The following ADAMTS16 variants were observed in gnomAD, a reference collection of about 807,000 sequenced individuals.
ADAMTS16 encodes the protein ADAM metallopeptidase with thrombospondin type 1 motif 16, also known as A disintegrin and metalloproteinase with thrombospondin motifs 16.
ADAMTS16 carries 94 observed loss-of-function variants against 145.8 expected under a neutral mutation model. The observed-to-expected ratio is 0.64, with a 90% CI of 0.55 to 0.77. The LOEUF (loss-of-function observed/expected upper bound fraction) is 0.77. Ranked by LOEUF, ADAMTS16 falls within the 30% of genes least tolerant of loss-of-function variation. The probability of loss-of-function intolerance (pLI) is 0.00; values close to 1 mark genes in which losing one functional copy is unlikely to be tolerated. For missense variants in ADAMTS16, 1,585 were observed against 1,591.5 expected, an observed-to-expected ratio of 1.00 and a Z score of 0.07; for synonymous variants, 659 against 604.3, an observed-to-expected ratio of 1.09 and a Z score of -1.33.
At chr5:5,216,851 G>A (rs1219321018) in intron 10 of ADAMTS16, among the ~76,000 whole-genome samples, 2 of 146,158 alleles carry the variant, frequency 1.4e-5, no homozygotes, top group Admixed American at 7.1e-5. Flanking sequence ...GTGAGAATAT[G>A]CGGTGTTTGG....
chr5:5,240,736 A>T (rs1371456995), intron 16 of ADAMTS16, among the ~76,000 whole-genome samples: 1 of 152,142 alleles, frequency 6.6e-6, no homozygotes, highest in Non-Finnish European at 1.5e-5. Context: ...GGTGTGGTTT[A>T]GATGGAGCAG....
In ADAMTS16 at chr5:5,311,632, C is replaced by T. The variant is rs527739013; in HGVS notation, c.3411+4904C>T. Among the ~76,000 whole-genome samples the T allele has an allele frequency of 1.9e-3, 294 of 151,556 alleles. 1 individual carries two copies. The highest frequency in any genetic ancestry group is 6.9e-3 in the African/African-American group (284 of 41,260). On this transcript the variant is annotated intron_variant, in intron 21 of 22. Coordinates refer to ENST00000274181, the MANE Select transcript of ADAMTS16 (RefSeq NM_139056.4). ...GGTGATCTTGGCTCACTGCAATTTC[C>T]GCCTCCCCAGTTCAAGTGATTCTCC... is the stretch of plus-strand genomic sequence containing the variant.
At chr5:5,215,680 T>C (rs376288127) in intron 10 of ADAMTS16, among the ~76,000 whole-genome samples, 108 of 146,340 alleles carry the variant, frequency 7.4e-4, no homozygotes, top group African/African-American at 2.8e-3. Context: ...TTTTTATGGC[T>C]GAGTAGTATT....
At chr5:5,297,521 T>C (rs1015366369) in intron 18 of ADAMTS16, among the ~76,000 whole-genome samples, 2 of 152,234 alleles carry the variant, frequency 1.3e-5, no homozygotes, top group Non-Finnish European at 2.9e-5. Context: ...TGAGGCTGTC[T>C]GTTTTGAAAA....
At chr5:5,244,637 G>A (rs189132414) in intron 17 of ADAMTS16, among the ~76,000 whole-genome samples, 22 of 152,308 alleles carry the variant, frequency 1.4e-4, no homozygotes, top group Middle Eastern at 3.4e-3. Flanking sequence ...CCATTCTTAT[G>A]TCACCCCACC....
At chr5:5,185,850 C>T (rs1735480917) in intron 4 of ADAMTS16, among the ~76,000 whole-genome samples, 2 of 152,306 alleles carry the variant, frequency 1.3e-5, no homozygotes, top group African/African-American at 4.8e-5. Context: ...GCCATGATTT[C>T]CATGATGCCT....
intron 11 of ADAMTS16, among the ~76,000 whole-genome samples, chr5:5,227,270 G>C (rs1736793232): frequency 6.6e-6 from 1 of 152,204 alleles, no homozygotes; most frequent in African/African-American, 2.4e-5. Context: ...TGCTTATTTT[G>C]TGAACAGTAA....
chr5:5,152,310 G>A (rs1026865447), intron 3 of ADAMTS16, among the ~76,000 whole-genome samples: 2 of 152,208 alleles, frequency 1.3e-5, no homozygotes, highest in African/African-American at 4.8e-5. Flanking sequence ...CGGTGGGGAT[G>A]GTAACCCCTT....
At chr5:5,316,564 G>A (rs890151466) in intron 21 of ADAMTS16, among the ~76,000 whole-genome samples, 1 of 152,092 alleles carries the variant, frequency 6.6e-6, no homozygotes, top group African/African-American at 2.4e-5. Flanking sequence ...GATGGGTCCT[G>A]CTCATGTTCT....
intron 18 of ADAMTS16, among the ~76,000 whole-genome samples, chr5:5,294,424 G>A (rs1739448512): frequency 6.6e-6 from 1 of 152,218 alleles, no homozygotes; most frequent in Non-Finnish European, 1.5e-5. Flanking sequence ...CAGAAGCCCA[G>A]GAAGGAGTTG....
intron 18 of ADAMTS16, among the ~76,000 whole-genome samples, chr5:5,276,555 C>T (rs1738705152): frequency 6.6e-6 from 1 of 152,178 alleles, no homozygotes; most frequent in Non-Finnish European, 1.5e-5. Flanking sequence ...ACCTATGATG[C>T]AGAGTTCCTA....
intron 4 of ADAMTS16, 97 bp from the exon 5 acceptor site, chr5:5,185,953 AGT>A (rs1198887999): frequency 1.1e-6 from 1 of 946,816 alleles, no homozygotes; most frequent in Non-Finnish European, 1.6e-6. Flanking sequence ...TTTTATCATG[AGT>A]GTTCATTTTT....
intron 17 of ADAMTS16, among the ~76,000 whole-genome samples, chr5:5,242,499 C>T (rs963363577): frequency 3.3e-5 from 5 of 152,068 alleles, no homozygotes; most frequent in Non-Finnish European, 5.9e-5. Context: ...ATGAAAGTCA[C>T]GGTAATTATG....
chr5:5,182,056 C>T lies in ADAMTS16; in HGVS notation c.514C>T (p.Arg172Ter), dbSNP rs772469674. 5.0e-6 allele frequency: 8 copies of T among 1,605,646 alleles called. No homozygotes were observed. The highest frequency in any genetic ancestry group is 1.3e-5 in the African/African-American group (1 of 74,526). The stretch of plus-strand genomic sequence containing the variant: ...TTATTTTTTCCAGTCAGGCATGATA[C>T]GAACAGAAGAGGCAGATTACTTCCT... Reference protein sequence around the residue: ...STCQGLSGMIRTEEADYFLRP... With the variant: ...STCQGLSGMI Residue 172 changes from arginine (R) to a stop codon, truncating the protein, a stop_gained, in exon 4 of 23, where the codon CGA (arginine) becomes TGA (stop). Coordinates refer to ENST00000274181, the MANE Select transcript of ADAMTS16 (RefSeq NM_139056.4). LOFTEE classifies it high-confidence loss of function.
chr5:5,186,146 A>T lies in ADAMTS16; in HGVS notation c.858A>T (p.Arg286Ser). The T allele has an allele frequency of 6.2e-7, 1 of 1,614,148 alleles. No individual in the cohort carries two copies. The change falls in exon 5 of 23, where the codon AGA becomes AGT. Residue 286 changes from arginine (R) to serine (S), a missense_variant. Arg to Ser is a moderately radical substitution (Grantham distance 110, BLOSUM62 -1). Transcript: ENST00000274181. ...AGCGCTCTCTTCTGAGGTCCCATAG[A>T]AATGAAGAACTGAACGTGGAGACCT... ...RHKRSLLRSH[R>S]NEELNVETLV...
At chr5:5,287,965 A>G (rs2126483219) in intron 18 of ADAMTS16, among the ~76,000 whole-genome samples, 1 of 152,294 alleles carries the variant, frequency 6.6e-6, no homozygotes, top group Non-Finnish European at 1.5e-5. Context: ...AAAAAATCTC[A>G]GAAAAACGGC....
chr5:5,218,517 C>T (rs1313778387), intron 10 of ADAMTS16, among the ~76,000 whole-genome samples: 2 of 152,216 alleles, frequency 1.3e-5, no homozygotes, highest in Non-Finnish European at 2.9e-5. Flanking sequence ...TTACGGTGTG[C>T]TCCTTCAGCT....
At chr5:5,150,882 T>C (rs1248029208) in intron 3 of ADAMTS16, among the ~76,000 whole-genome samples, 2 of 152,256 alleles carry the variant, frequency 1.3e-5, no homozygotes, top group East Asian at 3.9e-4. Flanking sequence ...TTTATCTCAC[T>C]GTGGTGTATT....
At chr5:5,158,372 A>G (rs1284005790) in intron 3 of ADAMTS16, among the ~76,000 whole-genome samples, 1 of 152,114 alleles carries the variant, frequency 6.6e-6, no homozygotes, top group Non-Finnish European at 1.5e-5. Flanking sequence ...GGATGGGTAA[A>G]TGGATGGAAG....
Sources: allele counts gnomAD v4.1 joint callset (sites outside exome capture counted in the v4.1 genomes callset), GRCh38; gene constraint gnomAD v4.1.1; transcripts MANE v1.5; gene names NCBI Gene and HGNC (gene_info 2026-07-23, HGNC 2026-07-21).